The following ZNF730 variants were observed in gnomAD, a reference collection of about 807,000 sequenced individuals.
ZNF730 encodes zinc finger protein 730.
In ZNF730, 12 loss-of-function variants were observed where a neutral mutation model predicts 12.6. The ratio of observed to expected loss-of-function variants is 0.95; its 90% confidence interval spans 0.61 to 1.54. ZNF730 has a LOEUF of 1.54. Ranked by LOEUF, ZNF730 falls within the 40% of genes most tolerant of loss-of-function variation. The probability of loss-of-function intolerance (pLI) is 0.00; values close to 1 mark genes in which losing one functional copy is unlikely to be tolerated. For synonymous variants in ZNF730, 194 were observed against 195.8 expected, an observed-to-expected ratio of 0.99 and a Z score of 0.08; for missense variants, 643 against 583.5, an observed-to-expected ratio of 1.10 and a Z score of -1.05.
At chr19:23,099,231 T>C (rs758297134) in intron 1 of ZNF730, among the ~76,000 whole-genome samples, 10 of 152,212 alleles carry the variant, frequency 6.6e-5, no homozygotes, top group Non-Finnish European at 1.3e-4. Flanking sequence ...AGGTGAGGAC[T>C]GTCCTCTGTG....
chr19:23,109,897 A>G (rs1970441314), intron 1 of ZNF730, among the ~76,000 whole-genome samples: 1 of 151,986 alleles, frequency 6.6e-6, no homozygotes, highest in South Asian at 2.1e-4. Flanking sequence ...TCTAATTGTC[A>G]TAATTATGGT....
rs765572107 is a variant in ZNF730 at position 23,134,101 on chromosome 19, G to A, written c.25G>A (p.Val9Met). 2.4e-5 allele frequency: 39 copies of A among 1,613,416 alleles called. No individual in the cohort carries two copies. Among genetic ancestry groups the A allele is most frequent in the Non-Finnish European group, 3.3e-5 (39 of 1,179,730 alleles). Residue 9 changes from valine to methionine, a missense_variant, in exon 2 of 4, where the codon GTG becomes ATG. Physicochemically the swap from Val to Met is conservative, Grantham distance 21. Transcript: ENST00000597761. MGALTFRD[V>M]AIEFSLEEWQ... ...TCAGGGAGCGTTGACATTTAGAGAT[G>A]TGGCCATAGAATTCTCTCTGGAGGA...
chr19:23,121,617 G>A (rs1970600140), intron 1 of ZNF730, among the ~76,000 whole-genome samples: 1 of 152,164 alleles, frequency 6.6e-6, no homozygotes, highest in South Asian at 2.1e-4. Context: ...TGAGATTACA[G>A]GCGTGAGCTG....
chr19:23,130,727 A>G (rs1047996690), intron 1 of ZNF730, among the ~76,000 whole-genome samples: 3 of 152,244 alleles, frequency 2.0e-5, no homozygotes, highest in African/African-American at 7.2e-5. Context: ...GGAAGTGACT[A>G]TAAAAGGTTT....
upstream of ZNF730, among the ~76,000 whole-genome samples, chr19:23,115,599 C>A (rs1970509275): frequency 6.6e-6 from 1 of 152,112 alleles, no homozygotes. Context: ...TCTCCATGAA[C>A]AAAGCACATG....
intron 1 of ZNF730, among the ~76,000 whole-genome samples, chr19:23,087,754 T>TA (rs1970088759): frequency 6.6e-6 from 1 of 151,722 alleles, no homozygotes; most frequent in Non-Finnish European, 1.5e-5. Context: ...TAGCTGGGAT[T>TA]ACAGGCATGC....
rs150259483 is a variant in ZNF730 at position 23,094,413 on chromosome 19, T to G, written c.-94+19026T>G. Reference sequence around the variant, plus strand: ...ATCTGTCTATCTGTCTATCTATCTGTGGGCACTCTATAGATAGGTAGGTAG... The same window carrying G: ...ATCTGTCTATCTGTCTATCTATCTGGGGGCACTCTATAGATAGGTAGGTAG... On this transcript the variant is annotated intron_variant, in intron 1 of 2. Transcript: ENST00000593635. Among the ~76,000 whole-genome samples the G allele has an allele frequency of 6.7e-4, 102 of 151,860 alleles. 4 individuals carry two copies. Among genetic ancestry groups the G allele is most frequent in the East Asian group, 6.4e-3 (33 of 5,148 alleles).
chr19:23,090,841 A>G (rs1473440185), intron 1 of ZNF730, among the ~76,000 whole-genome samples: 1 of 152,080 alleles, frequency 6.6e-6, no homozygotes, highest in African/African-American at 2.4e-5. Flanking sequence ...TACTAAAAAT[A>G]CAAAAACTAG....
intron 1 of ZNF730, chr19:23,123,938 C>G (rs1189055893): frequency 1.3e-5 from 2 of 152,220 alleles, no homozygotes; most frequent in East Asian, 3.9e-4. Flanking sequence ...TGGATTCATG[C>G]TGGAAATCTA....
chr19:23,077,861 G>A (rs1404481023), intron 1 of ZNF730, among the ~76,000 whole-genome samples: 3 of 152,288 alleles, frequency 2.0e-5, no homozygotes, highest in Middle Eastern at 3.4e-3. Context: ...CTATTAATCT[G>A]TAACCCTACC....
At chr19:23,078,045 G>A (rs1467843490) in intron 1 of ZNF730, among the ~76,000 whole-genome samples, 1 of 152,150 alleles carries the variant, frequency 6.6e-6, no homozygotes, top group Non-Finnish European at 1.5e-5. Context: ...GAAGGCCGCA[G>A]GGACCTCTGC....
chr19:23,097,933 G>A (rs184086389), intron 1 of ZNF730, among the ~76,000 whole-genome samples: 3 of 152,248 alleles, frequency 2.0e-5, no homozygotes, highest in East Asian at 3.9e-4. Context: ...GAGGTCTGGA[G>A]TCTAAGACCA....
At chr19:23,106,818 T>G in intron 1 of ZNF730, among the ~76,000 whole-genome samples, 1 of 148,722 alleles carries the variant, frequency 6.7e-6, no homozygotes. Context: ...AAGGTTGGAA[T>G]GAAAGGTCTT....
At chr19:23,096,300 T>C (rs1325218986) in intron 1 of ZNF730, among the ~76,000 whole-genome samples, 1 of 152,152 alleles carries the variant, frequency 6.6e-6, no homozygotes, top group Non-Finnish European at 1.5e-5. Context: ...ATCAAGAACC[T>C]AGGTGAGGTG....
At chr19:23,114,305 C>CTTTCTTTTTTTTTTT (rs1970490241), upstream of ZNF730, among the ~76,000 whole-genome samples, 2 of 103,508 alleles carry the variant, frequency 1.9e-5, 1 homozygote, top group Non-Finnish European at 3.9e-5. Context: ...TTTTTCTTTT[C>CTTTCTTTTTTTTTTT]TTTTTTTTTT....
rs188530785 is a variant in ZNF730, at chr19:23,146,563, A to G, written c.*7A>G. The G allele has an allele frequency of 7.2e-4, 1,135 of 1,585,728 alleles. 1 individual carries two copies. Among genetic ancestry groups the G allele is most frequent in the Non-Finnish European group, 9.2e-4 (1,079 of 1,168,166 alleles). On this transcript the variant is annotated 3_prime_UTR_variant, in exon 4 of 4. Transcript: ENST00000597761. ...TAAGACAATTCATACATAAAATTGT[A>G]AAGACTGTGGCAAAGCTTTTAAACA...
At chr19:23,094,666 G>C (rs1970220703) in intron 1 of ZNF730, among the ~76,000 whole-genome samples, 2 of 151,828 alleles carry the variant, frequency 1.3e-5, no homozygotes, top group South Asian at 4.2e-4. Flanking sequence ...TAGAAATGGG[G>C]TTTCAACATG....
intron 1 of ZNF730, among the ~76,000 whole-genome samples, chr19:23,100,672 T>C (rs1970326326): frequency 1.4e-5 from 1 of 70,622 alleles, no homozygotes; most frequent in Non-Finnish European, 3.0e-5. Context: ...TTTTTTTTTT[T>C]TGAGACAGAA....
intron 3 of ZNF730, among the ~76,000 whole-genome samples, chr19:23,136,983 A>T (rs1258029136): frequency 6.6e-6 from 1 of 152,062 alleles, no homozygotes; most frequent in Non-Finnish European, 1.5e-5. Flanking sequence ...AGCCTGGCCA[A>T]CATAGTGAAA....
Sources: allele counts gnomAD v4.1 joint callset (sites outside exome capture counted in the v4.1 genomes callset), GRCh38; gene constraint gnomAD v4.1.1; transcripts MANE v1.5; gene names NCBI Gene and HGNC (gene_info 2026-07-23, HGNC 2026-07-21).